Variants in KIF1A observed in about 807,000 individuals in gnomAD.
KIF1A encodes the protein kinesin-like protein KIF1A.
KIF1A carries 46 observed loss-of-function variants against 227.3 expected under a neutral mutation model. That is an observed-to-expected ratio of 0.20 (90% CI 0.16 to 0.26). KIF1A has a LOEUF of 0.26. Among genes scored for constraint, KIF1A ranks in the 10% least tolerant of loss-of-function variants. The pLI is 1.00. For missense variants in KIF1A, 1,683 were observed against 2,485.9 expected (o/e 0.68, Z 6.87); for synonymous variants, 1,022 against 1,012.8 (o/e 1.01, Z -0.17).
intron 38 of KIF1A, chr2:240,734,624 C>A: frequency 2.2e-6 from 2 of 903,688 alleles, no homozygotes; most frequent in Non-Finnish European, 1.6e-6. Context: ...TGGAAGTTAA[C>A]TTCTCAGGGG....
chr2:240,745,371 A>G, intron 32 of KIF1A, 56 bp downstream of exon 32: 1 of 1,302,362 alleles, frequency 7.7e-7, no homozygotes, highest in East Asian at 2.3e-5. Flanking sequence ...ATGCTCAGAG[A>G]GGCCCTGGGA....
rs2048561025 is a variant in KIF1A, at chr2:240,746,060, C to T, written c.3181G>A (p.Val1061Ile). 1 of 1,605,442 alleles carries T rather than the reference C, an allele frequency of 6.2e-7. No homozygotes were observed. The highest frequency in any genetic ancestry group is 1.3e-5 in the African/African-American group (1 of 74,796). Residue 1061 changes from valine to isoleucine, a missense_variant, in exon 30 of 49, where the codon GTC becomes ATC. Coordinates refer to ENST00000498729, the MANE Select transcript of KIF1A (RefSeq NM_001244008.2). ...GADVGPSADE[V>I]NNNTCSAVPP... The stretch of plus-strand genomic sequence containing the variant: ...CCACCTGAACAGGTGTTGTTGTTGA[C>T]TTCATCGGCTGAGGGCCCCACGTCT...
intron 47 of KIF1A, among the ~76,000 whole-genome samples, chr2:240,718,421 T>C (rs1411902194): frequency 6.6e-6 from 1 of 152,208 alleles, no homozygotes; most frequent in African/African-American, 2.4e-5. Context: ...CTGCCCCTCA[T>C]GGCCCCTGCT....
rs1575645999 is a variant in KIF1A, at chr2:240,792,915, G to A, written c.107-3603C>T. ...GACAGCCCTCCCACGATCTAGACCT[G>A]TGGGCATCTTGATTGGACTTCCGCC... On this transcript the variant is annotated intron_variant, in intron 2 of 48. Coordinates refer to ENST00000498729, the MANE Select transcript of KIF1A (RefSeq NM_001244008.2). This position sits in a 1 kb window ranked among gnomAD's most constrained non-coding sequence, Gnocchi z 4.5. Among the ~76,000 whole-genome samples, 1 of 152,238 alleles carries A rather than the reference G, an allele frequency of 6.6e-6. No homozygotes were observed. Among genetic ancestry groups the A allele is most frequent in the East Asian group, 1.9e-4 (1 of 5,190 alleles).
At position 240,717,225 on chromosome 2, in the gene KIF1A, CT is replaced by C. The variant is rs1326734497; in HGVS notation, c.*138del. 1.4e-6 allele frequency: 1 copy of C among 734,868 alleles called. No individual in the cohort carries two copies. The highest frequency in any genetic ancestry group is 1.7e-5 in the African/African-American group (1 of 57,522). The allele number at this position is 734,868 out of a possible 1,614,324, so 45.5% of individuals were successfully genotyped here. On this transcript the variant is annotated 3_prime_UTR_variant, in exon 49 of 49. Coordinates refer to ENST00000498729, the MANE Select transcript of KIF1A (RefSeq NM_001244008.2). ...GGTCGTGTGGCACAGGTCCCCGGGC[CT>C]GGCATGGGCGTCCCCTGGGGGGTCG...
chr2:240,747,104 C>T (rs1350655726), intron 29 of KIF1A, 132 bp downstream of exon 29: 1 of 637,396 alleles, frequency 1.6e-6, no homozygotes, highest in Non-Finnish European at 2.8e-6. Context: ...GTGCTCTGGA[C>T]CAGAGGGAAG....
rs530648341 is a variant in KIF1A at position 240,721,774 on chromosome 2, C to T, written c.4743+33G>A. On this transcript the variant is annotated intron_variant, in intron 44 of 48. Transcript: ENST00000498729. ...ACTGCCTATGGGAGCCCGAGCCCTG[C>T]GGGGCAGCCTGGTGCAGCCCCTCTG... The T allele has an allele frequency of 3.8e-5, 59 of 1,565,566 alleles. No individual in the cohort carries two copies. In the East Asian group the frequency reaches 8.4e-4, roughly 22 times the overall value.
rs1248438211 is a variant in KIF1A at position 240,773,367 on chromosome 2, G to A, written c.1038-111C>T. ...CCCAGCCTTTTGGGCTCAGCAGCCA[G>A]GCCAAAGGTGGACCTGAGCCAGCAC... On this transcript the variant is annotated intron_variant, in intron 12 of 48. Coordinates refer to ENST00000498729, the MANE Select transcript of KIF1A (RefSeq NM_001244008.2). The A allele has an allele frequency of 3.7e-6, 5 of 1,343,974 alleles. No individual in the cohort carries two copies. In the Admixed American group the frequency reaches 5.9e-5, roughly 16 times the overall value. The allele number at this position is 1,343,974 out of a possible 1,614,324, so 83.3% of individuals were successfully genotyped here.
At position 240,734,643 on chromosome 2, in the gene KIF1A, G is replaced by C; in HGVS notation, c.4007+2420C>G. On this transcript the variant is annotated intron_variant, in intron 38 of 48. Coordinates refer to ENST00000498729, the MANE Select transcript of KIF1A (RefSeq NM_001244008.2). ...AGTTAACTTCTCAGGGGCATGGGGG[G>C]CGGTCAGGGGAGGAGCAGGGAGGAA... 3 of 1,107,824 alleles carry C rather than the reference G, an allele frequency of 2.7e-6. No homozygotes were observed. The South Asian group carries it at 3.9e-5, about 14-fold the overall frequency. The allele number at this position is 1,107,824 out of a possible 1,614,324, so 68.6% of individuals were successfully genotyped here.
At chr2:240,745,656 T>C in intron 31 of KIF1A, 82 bp downstream of exon 31, 2 of 1,542,624 alleles carry the variant, frequency 1.3e-6, no homozygotes, top group Admixed American at 3.8e-5. Context: ...CATGGCCTGC[T>C]CCCTGCCCAG....
rs2047290092 is a variant in KIF1A at position 240,736,115 on chromosome 2, T to C, written c.4007+948A>G. Among the ~76,000 whole-genome samples the C allele has an allele frequency of 6.6e-6, 1 of 151,878 alleles. No individual in the cohort carries two copies. Among genetic ancestry groups the C allele is most frequent in the African/African-American group, 2.4e-5 (1 of 41,326 alleles). On this transcript the variant is annotated intron_variant, in intron 38 of 48. Coordinates refer to ENST00000498729, the MANE Select transcript of KIF1A (RefSeq NM_001244008.2). The surrounding 1 kb of genome is among the most constrained non-coding windows in gnomAD (Gnocchi z 4.7). Reference sequence around the variant, plus strand: ...TGGGTGTTGCTGATGAAACCAAAGCTTTGTGTGGACCCAAGTCAGAAGAAT... The same window carrying C: ...TGGGTGTTGCTGATGAAACCAAAGCCTTGTGTGGACCCAAGTCAGAAGAAT...
rs1177732729 is a variant in KIF1A, at chr2:240,773,174, C to T, written c.1120G>A (p.Asp374Asn). Residue 374 changes from aspartate to asparagine, a missense_variant, in exon 13 of 49, where the codon GAT becomes AAT. Asp to Asn is a conservative substitution (Grantham distance 23). This residue lies in a region of KIF1A where 110 missense variants were observed against 133.1 expected (regional missense o/e 0.83). Coordinates refer to ENST00000498729, the MANE Select transcript of KIF1A (RefSeq NM_001244008.2). ...AGGTCCCGCAGCCGGGTCACCTCAT[C>T]CTTCAGCTCGCGGATCAGCTTGTTG... Reference protein sequence around the residue: ...PNNKLIRELKDEVTRLRDLLY... With the variant: ...PNNKLIRELKNEVTRLRDLLY... The T allele has an allele frequency of 1.9e-6, 3 of 1,613,996 alleles. No homozygotes were observed. The highest frequency in any genetic ancestry group is 2.2e-5 in the South Asian group (2 of 91,086).
At chr2:240,724,356 C>T in intron 40 of KIF1A, 1 of 424,046 alleles carries the variant, frequency 2.4e-6, no homozygotes, top group Non-Finnish European at 4.4e-6. Context: ...CTGGCATCTC[C>T]AGTCCCTCCA....
intron 46 of KIF1A, among the ~76,000 whole-genome samples, chr2:240,719,444 A>G (rs1340311070): frequency 1.3e-5 from 2 of 152,176 alleles, no homozygotes; most frequent in Non-Finnish European, 2.9e-5. Flanking sequence ...GAAATAAGCT[A>G]AAGTTGCTGA....
intron 40 of KIF1A, chr2:240,724,350 C>G (rs2045744183): frequency 1.1e-5 from 5 of 438,426 alleles, no homozygotes; most frequent in Non-Finnish European, 2.1e-5. Flanking sequence ...CAGCATCTGG[C>G]ATCTCCAGTC....
intron 38 of KIF1A, chr2:240,728,247 A>T (rs981027359): frequency 2.1e-6 from 1 of 475,166 alleles, no homozygotes; most frequent in Non-Finnish European, 4.1e-6. Context: ...GACACATGTC[A>T]CCGAGGAGCA....
Position 240,757,301 on chromosome 2 carries a change from C to T in KIF1A, c.2858+18G>A, listed in dbSNP as rs1318264547. 6.5e-7 allele frequency: 1 copy of T among 1,549,308 alleles called. No homozygotes were observed. The highest frequency in any genetic ancestry group is 1.2e-5 in the South Asian group (1 of 83,924). ...AGAGCTGGGTCCTCCCCAGCATGCT[C>T]TCCTCGACCTCACCAACCTTCCTAC... On this transcript the variant is annotated intron_variant, in intron 27 of 48. Coordinates refer to ENST00000498729, the MANE Select transcript of KIF1A (RefSeq NM_001244008.2). This position sits in a 1 kb window ranked among gnomAD's most constrained non-coding sequence, Gnocchi z 6.2.
At position 240,788,745 on chromosome 2, in the gene KIF1A, G is replaced by C. The variant is rs2055261263; in HGVS notation, c.183+491C>G. ...AGCGGGGAGCCCTGGGGCTGTTATGGGGGGCAGGTGCTCAGAGATATAGAT... is the reference window on the plus strand; with the variant it reads ...AGCGGGGAGCCCTGGGGCTGTTATGCGGGGCAGGTGCTCAGAGATATAGAT... On this transcript the variant is annotated intron_variant, in intron 3 of 48. Transcript: ENST00000498729. This position sits in a 1 kb window ranked among gnomAD's most constrained non-coding sequence, Gnocchi z 6.6. 6.6e-6 allele frequency among the ~76,000 whole-genome samples: 1 copy of C among 152,064 alleles called. No individual in the cohort carries two copies. The highest frequency in any genetic ancestry group is 1.5e-5 in the Non-Finnish European group (1 of 68,008).
rs1311777297 is a variant in KIF1A at position 240,724,011 on chromosome 2, G to T, written c.4282C>A (p.Leu1428Ile). 1.2e-6 allele frequency: 2 copies of T among 1,612,614 alleles called. No individual in the cohort carries two copies. The highest frequency in any genetic ancestry group is 1.7e-6 in the Non-Finnish European group (2 of 1,179,800). The stretch of plus-strand genomic sequence containing the variant: ...GCGTCAGCCACGTGGCACAGGCTGA[G>T]CTCGTACACACCAGTCACACGGTTA... ...ESNRVTGVYE[L>I]SLCHVADAGS... The change falls in exon 41 of 49, where the codon CTC becomes ATC. Residue 1428 changes from leucine to isoleucine, a missense_variant. Leu to Ile is a conservative substitution (Grantham distance 5). This residue lies in a region of KIF1A where 759 missense variants were observed against 1,020.2 expected (regional missense o/e 0.74). Coordinates refer to ENST00000498729, the MANE Select transcript of KIF1A (RefSeq NM_001244008.2).
Sources: allele counts gnomAD v4.1 joint callset (sites outside exome capture counted in the v4.1 genomes callset), GRCh38; gene constraint gnomAD v4.1.1; regional missense constraint gnomAD v4.1.1; non-coding constraint Gnocchi (gnomAD v3.1); transcripts MANE v1.5; gene names NCBI Gene and HGNC (gene_info 2026-07-23, HGNC 2026-07-21).